Variants in ADAM23 observed in about 807,000 individuals in gnomAD.
ADAM23 encodes ADAM metallopeptidase domain 23, also known as disintegrin and metalloproteinase domain-containing protein 23.
In ADAM23, 33 loss-of-function variants were observed where a neutral mutation model predicts 120.1. That is an observed-to-expected ratio of 0.27 (90% confidence interval 0.21 to 0.37). ADAM23 has a LOEUF of 0.37. Ranked by LOEUF, ADAM23 falls within the 10% of genes least tolerant of loss-of-function variation. ADAM23 has a pLI of 1.00. For synonymous variants in ADAM23, 367 were observed against 375.2 expected (o/e 0.98, Z 0.25); for missense variants, 862 against 1,058.2 (o/e 0.81, Z 2.57).
chr2:206,516,220 T>G (rs1273794359), intron 3 of ADAM23, among the ~76,000 whole-genome samples: 1 of 150,462 alleles, frequency 6.6e-6, no homozygotes, highest in Non-Finnish European at 1.5e-5. Context: ...ATGGAAGATT[T>G]GGGCATTTTT....
At chr2:206,506,524 A>G (rs897176047) in intron 3 of ADAM23, among the ~76,000 whole-genome samples, 1 of 152,100 alleles carries the variant, frequency 6.6e-6, no homozygotes, top group Admixed American at 6.5e-5. Context: ...TTGTCCACCT[A>G]CTCACACTAC....
chr2:206,543,389 A>G, intron 6 of ADAM23, 73 bp downstream of exon 6: 1 of 1,289,740 alleles, frequency 7.8e-7, no homozygotes, highest in East Asian at 2.3e-5. Flanking sequence ...AGAAAAGAGA[A>G]AAGAGTGTAG....
intron 2 of ADAM23, among the ~76,000 whole-genome samples, chr2:206,480,076 A>G (rs1404454220): frequency 6.6e-6 from 1 of 152,130 alleles, no homozygotes; most frequent in Non-Finnish European, 1.5e-5. Context: ...TATGTTGTGG[A>G]GCTTACCACC....
At chr2:206,447,076 A>C (rs1695096540) in intron 2 of ADAM23, among the ~76,000 whole-genome samples, 1 of 152,198 alleles carries the variant, frequency 6.6e-6, no homozygotes, top group African/African-American at 2.4e-5. Flanking sequence ...CAGAGACTTG[A>C]AATTTCAGTG....
At chr2:206,538,126 AT>A (rs1482305089) in intron 4 of ADAM23, among the ~76,000 whole-genome samples, 1 of 152,210 alleles carries the variant, frequency 6.6e-6, no homozygotes, top group Non-Finnish European at 1.5e-5. Context: ...TTTACATAGC[AT>A]TGGTACAGCC....
intron 25 of ADAM23, 58 bp downstream of exon 25, chr2:206,610,058 C>A: frequency 7.0e-7 from 1 of 1,423,674 alleles, no homozygotes; most frequent in Non-Finnish European, 9.3e-7. Flanking sequence ...TTTCTGCTTA[C>A]ATAACCAAGT....
intron 16 of ADAM23, among the ~76,000 whole-genome samples, chr2:206,571,157 T>C (rs978642475): frequency 2.6e-5 from 4 of 152,200 alleles, no homozygotes; most frequent in African/African-American, 9.6e-5. Flanking sequence ...GTGGAGCTAA[T>C]TGGAGGAGAA....
intron 14 of ADAM23, 124 bp downstream of exon 14, chr2:206,565,192 TTGTC>T (rs1399668818): frequency 5.3e-6 from 4 of 761,052 alleles, no homozygotes; most frequent in African/African-American, 1.8e-5. Flanking sequence ...GAATAATTAA[TTGTC>T]TGATATTTTT....
At chr2:206,527,177 G>C (rs372602230) in intron 3 of ADAM23, among the ~76,000 whole-genome samples, 1 of 152,196 alleles carries the variant, frequency 6.6e-6, no homozygotes, top group South Asian at 2.1e-4. Context: ...AGCATCTTCA[G>C]AACCAAACAT....
In ADAM23 at chr2:206,479,622, A is replaced by G. The variant is rs187714203; in HGVS notation, c.433-1610A>G. ...AATTTGAAGACTAGTGGATATTTGTATTGAATAGAGGTTCTGTTGTGGATA... is the reference window on the plus strand; with the variant it reads ...AATTTGAAGACTAGTGGATATTTGTGTTGAATAGAGGTTCTGTTGTGGATA... On this transcript the variant is annotated intron_variant, in intron 2 of 25. Coordinates refer to ENST00000264377, the MANE Select transcript of ADAM23 (RefSeq NM_003812.4). Among the ~76,000 whole-genome samples, 506 of 152,282 alleles carry G rather than the reference A, an allele frequency of 3.3e-3. 2 individuals carry two copies. Among genetic ancestry groups the G allele is most frequent in the Non-Finnish European group, 5.3e-3 (361 of 68,020 alleles).
chr2:206,598,711 C>T (rs562940010), intron 24 of ADAM23, among the ~76,000 whole-genome samples: 2 of 152,160 alleles, frequency 1.3e-5, no homozygotes, highest in Admixed American at 1.3e-4. Flanking sequence ...ACCAGCCTGG[C>T]CAACATGGTG....
chr2:206,468,157 A>G (rs1695580127), intron 2 of ADAM23, among the ~76,000 whole-genome samples: 1 of 152,158 alleles, frequency 6.6e-6, no homozygotes, highest in African/African-American at 2.4e-5. Flanking sequence ...TGTCTTGGCT[A>G]TCAGCACTTG....
At chr2:206,586,602 A>G (rs1051718327) in intron 18 of ADAM23, among the ~76,000 whole-genome samples, 1 of 152,168 alleles carries the variant, frequency 6.6e-6, no homozygotes, top group African/African-American at 2.4e-5. Context: ...CCATGCCTGC[A>G]TATTTTTTTC....
intron 25 of ADAM23, among the ~76,000 whole-genome samples, chr2:206,616,821 TTTACTG>T (rs1183617850): frequency 2.0e-5 from 3 of 152,084 alleles, no homozygotes; most frequent in Non-Finnish European, 4.4e-5. Flanking sequence ...GCAACCAACT[TTTACTG>T]TTGCCTTGTA....
At chr2:206,529,649 T>G (rs1697011305) in intron 3 of ADAM23, among the ~76,000 whole-genome samples, 4 of 152,210 alleles carry the variant, frequency 2.6e-5, no homozygotes. Flanking sequence ...TTCTTTGCCT[T>G]GGCCTTCCAA....
At chr2:206,521,552 A>C (rs1383331758) in intron 3 of ADAM23, among the ~76,000 whole-genome samples, 1 of 152,180 alleles carries the variant, frequency 6.6e-6, no homozygotes, top group Non-Finnish European at 1.5e-5. Flanking sequence ...AAACTCTTGA[A>C]AGTTCTGCAG....
chr2:206,587,804 C>T (rs1698353327), intron 19 of ADAM23, among the ~76,000 whole-genome samples: 1 of 152,108 alleles, frequency 6.6e-6, no homozygotes, highest in Admixed American at 6.5e-5. Flanking sequence ...AGCTAAAAAT[C>T]ATTTTGGTGT....
At chr2:206,531,451 A>C (rs1357518978) in intron 4 of ADAM23, among the ~76,000 whole-genome samples, 1 of 152,208 alleles carries the variant, frequency 6.6e-6, no homozygotes, top group African/African-American at 2.4e-5. Flanking sequence ...AGGCAGAGAG[A>C]GGGCAAATAA....
intron 2 of ADAM23, among the ~76,000 whole-genome samples, chr2:206,468,329 A>G (rs1350665922): frequency 6.6e-6 from 1 of 152,192 alleles, no homozygotes; most frequent in African/African-American, 2.4e-5. Flanking sequence ...TTCTTGACTC[A>G]TGCATATGAG....
Sources: allele counts gnomAD v4.1 joint callset (sites outside exome capture counted in the v4.1 genomes callset), GRCh38; gene constraint gnomAD v4.1.1; transcripts MANE v1.5; gene names NCBI Gene and HGNC (gene_info 2026-07-23, HGNC 2026-07-21).